ABI1: variants seen among roughly 807,000 people sequenced by gnomAD.
The protein encoded by ABI1 is abl interactor 1.
In ABI1, 14 loss-of-function variants were observed where a neutral mutation model predicts 54.6. The observed-to-expected ratio is 0.26, with a 90% CI of 0.17 to 0.40. The LOEUF (loss-of-function observed/expected upper bound fraction) is 0.40. ABI1 is among the 10% of genes least tolerant of loss of function. The pLI is 1.00. For missense variants in ABI1, 443 were observed against 598.3 expected, an observed-to-expected ratio of 0.74 and a Z score of 2.71; for synonymous variants, 194 against 209.3, an observed-to-expected ratio of 0.93 and a Z score of 0.63.
chr10:26,798,456 G>C (rs1043870520), intron 2 of ABI1, among the ~76,000 whole-genome samples: 3 of 152,014 alleles, frequency 2.0e-5, no homozygotes, highest in African/African-American at 7.3e-5. Context: ...TGCGCCAAAA[G>C]TGCAGGTGGC....
intron 1 of ABI1, among the ~76,000 whole-genome samples, chr10:26,856,433 CAAAAAAAAA>C (rs58195958): frequency 0.02 from 1,157 of 57,756 alleles, 23 homozygotes; most frequent in African/African-American, 0.064. Context: ...ATCTGTTACT[CAAAAAAAAA>C]AAAAAAAAAA....
chr10:26,844,760 G>A (rs11015334), intron 1 of ABI1, among the ~76,000 whole-genome samples: 38,754 of 151,964 alleles, frequency 0.26, 5,562 homozygotes, highest in South Asian at 0.44. Context: ...AATAGATACC[G>A]GTTAAATAAG....
intron 2 of ABI1, among the ~76,000 whole-genome samples, chr10:26,796,394 T>C (rs916529762): frequency 6.6e-6 from 1 of 152,222 alleles, no homozygotes; most frequent in Non-Finnish European, 1.5e-5. Flanking sequence ...TGTTTAGACA[T>C]GCTTGGATAC....
intron 7 of ABI1, among the ~76,000 whole-genome samples, chr10:26,761,659 T>TACACAC (rs1165253777): frequency 2.3e-5 from 2 of 88,156 alleles, no homozygotes; most frequent in African/African-American, 5.1e-5. Context: ...TATATATATA[T>TACACAC]ATACACACAC....
chr10:26,829,854 C>T (rs890654212), intron 1 of ABI1, among the ~76,000 whole-genome samples: 14 of 152,168 alleles, frequency 9.2e-5, no homozygotes, highest in Middle Eastern at 3.4e-3. Flanking sequence ...ATATTAAGTA[C>T]GAAATGCATA....
chr10:26,860,598 C>G lies in ABI1; in HGVS notation c.117+149G>C. On this transcript the variant is annotated intron_variant, in intron 1 of 10. Coordinates refer to ENST00000376140, the MANE Select transcript of ABI1 (RefSeq NM_001012750.3). This position sits in a 1 kb window ranked among gnomAD's most constrained non-coding sequence, Gnocchi z 4.1. ...CTCAGCCCGGCCACTCGCTCTGTCC[C>G]CGGTTGGGGCTGGGGTTGGGGCTGC... is the stretch of plus-strand genomic sequence containing the variant. 1.5e-6 allele frequency: 1 copy of G among 664,492 alleles called. No individual in the cohort carries two copies. Among genetic ancestry groups the G allele is most frequent in the Non-Finnish European group, 2.7e-6 (1 of 376,048 alleles). 41.2% of individuals were successfully genotyped at this position (664,492 alleles called of 1,614,324 possible). A position where few individuals can be genotyped will look rare whatever the true frequency, so the allele number is the denominator to read the frequency against.
At chr10:26,793,634 CTA>C (rs778908464) in intron 2 of ABI1, among the ~76,000 whole-genome samples, 2 of 152,196 alleles carry the variant, frequency 1.3e-5, no homozygotes, top group Non-Finnish European at 2.9e-5. Flanking sequence ...ACTAAATACT[CTA>C]TGTGGTAATT....
intron 1 of ABI1, among the ~76,000 whole-genome samples, chr10:26,854,618 CCTT>C (rs1345940682): frequency 6.6e-6 from 1 of 152,150 alleles, no homozygotes; most frequent in Non-Finnish European, 1.5e-5. Flanking sequence ...AATTATCTAA[CCTT>C]CTGTTAAATA....
At chr10:26,792,219 G>C (rs995639802) in intron 2 of ABI1, among the ~76,000 whole-genome samples, 2 of 152,198 alleles carry the variant, frequency 1.3e-5, no homozygotes. Context: ...ATTCAGAGAT[G>C]TCTGATTTAT....
intron 2 of ABI1, among the ~76,000 whole-genome samples, chr10:26,781,851 G>C (rs866396411): frequency 6.6e-6 from 1 of 152,146 alleles, no homozygotes; most frequent in South Asian, 2.1e-4. Context: ...CAAGCTGCAC[G>C]GTTAAGACTG....
At chr10:26,844,757 A>G (rs541574444) in intron 1 of ABI1, among the ~76,000 whole-genome samples, 37 of 152,368 alleles carry the variant, frequency 2.4e-4, no homozygotes, top group African/African-American at 8.9e-4. Context: ...GAAAATAGAT[A>G]CCGGTTAAAT....
chr10:26,760,577 T>A (rs1838995232), intron 7 of ABI1, among the ~76,000 whole-genome samples: 1 of 152,180 alleles, frequency 6.6e-6, no homozygotes, highest in African/African-American at 2.4e-5. Flanking sequence ...CAGCTAGGTT[T>A]TTCCAGAGAG....
In ABI1 at chr10:26,823,130, G is replaced by A. The variant is rs548093233; in HGVS notation, c.285+8C>T. On this transcript the variant is annotated splice_region_variant and intron_variant, in intron 2 of 10. Coordinates refer to ENST00000376140, the MANE Select transcript of ABI1 (RefSeq NM_001012750.3). ...AAATTGAATTTAAAGCATTTTATAAGCTGTTACCTGTGAGATATGATTGAT... is the reference window on the plus strand; with the variant it reads ...AAATTGAATTTAAAGCATTTTATAAACTGTTACCTGTGAGATATGATTGAT... 9.5e-6 allele frequency: 15 copies of A among 1,580,618 alleles called. No homozygotes were observed. The South Asian group carries it at 1.7e-4, about 18-fold the overall frequency.
intron 2 of ABI1, among the ~76,000 whole-genome samples, chr10:26,806,852 G>T (rs1391692982): frequency 6.6e-6 from 1 of 152,128 alleles, no homozygotes; most frequent in Non-Finnish European, 1.5e-5. Context: ...CAATGAATTA[G>T]ACTAGAATCA....
intron 9 of ABI1, among the ~76,000 whole-genome samples, chr10:26,752,826 C>T (rs16927315): frequency 0.015 from 2,353 of 152,126 alleles, 51 homozygotes; most frequent in African/African-American, 0.054. Context: ...AGCTGGAACC[C>T]AATTAATGCT....
At chr10:26,850,798 G>A (rs1203573578) in intron 1 of ABI1, among the ~76,000 whole-genome samples, 2 of 151,424 alleles carry the variant, frequency 1.3e-5, no homozygotes, top group African/African-American at 4.8e-5. Context: ...TCAAACAAGC[G>A]GAGGGGTCAA....
intron 1 of ABI1, among the ~76,000 whole-genome samples, chr10:26,849,745 A>G (rs977866700): frequency 6.6e-6 from 1 of 150,722 alleles, no homozygotes; most frequent in Non-Finnish European, 1.5e-5. Flanking sequence ...GAATCCATCA[A>G]TGTGAACTTG....
chr10:26,770,831 A>G (rs1352313440), intron 4 of ABI1, among the ~76,000 whole-genome samples: 1 of 152,196 alleles, frequency 6.6e-6, no homozygotes, highest in East Asian at 1.9e-4. Flanking sequence ...AAATGAGCAA[A>G]GCAATAAATG....
Position 26,770,231 on chromosome 10 carries a change from A to C in ABI1, c.578+14T>G. The C allele has an allele frequency of 6.2e-7, 1 of 1,604,464 alleles. No individual in the cohort carries two copies. Among genetic ancestry groups the C allele is most frequent in the Non-Finnish European group, 8.5e-7 (1 of 1,171,278 alleles). ...GCATATGAATTCTTTTGCAAAATGTAGTTGAATTCTTACCCCAGTGTTCCC... is the reference window on the plus strand; with the variant it reads ...GCATATGAATTCTTTTGCAAAATGTCGTTGAATTCTTACCCCAGTGTTCCC... On this transcript the variant is annotated intron_variant, in intron 5 of 10. Transcript: ENST00000376140.
Sources: allele counts gnomAD v4.1 joint callset (sites outside exome capture counted in the v4.1 genomes callset), GRCh38; gene constraint gnomAD v4.1.1; non-coding constraint Gnocchi (gnomAD v3.1); transcripts MANE v1.5; gene names NCBI Gene and HGNC (gene_info 2026-07-23, HGNC 2026-07-21).